Variants in MMP17 observed in about 807,000 individuals in gnomAD.
MMP17 encodes the protein matrix metalloproteinase-17.
Under a neutral mutation model 49.1 loss-of-function variants are expected in MMP17, and 54 were observed. That is an observed-to-expected ratio of 1.10 (90% CI 0.88 to 1.38). The LOEUF is 1.38. Ranked by LOEUF, MMP17 falls within the 40% of genes most tolerant of loss-of-function variation. The pLI is 0.00. For missense variants in MMP17, 837 were observed against 853.7 expected (o/e 0.98, Z 0.24); for synonymous variants, 397 against 383.1 (o/e 1.04, Z -0.42).
intron 8 of MMP17, 100 bp downstream of exon 8, chr12:131,845,549 C>T: frequency 7.1e-7 from 1 of 1,408,884 alleles, no homozygotes; most frequent in Admixed American, 2.7e-5. Flanking sequence ...CCTACGTCTG[C>T]CCAGAGGCTG....
rs1475254764 is a variant in MMP17, at chr12:131,840,964, C to T, written c.706+108C>T. ...CCAACCCTGCGGCTGAAAACACACG[C>T]GGCTGCTCCTGAGCACGGCTGGGCA... On this transcript the variant is annotated intron_variant, in intron 4 of 9. Transcript: ENST00000360564. The T allele has an allele frequency of 6.9e-6, 9 of 1,309,212 alleles. No individual in the cohort carries two copies. The South Asian group carries it at 7.6e-5, about 11-fold the overall frequency. The allele number at this position is 1,309,212 out of a possible 1,614,324, so 81.1% of individuals were successfully genotyped here.
chr12:131,833,701 C>T (rs1260405924), intron 1 of MMP17, among the ~76,000 whole-genome samples: 1 of 152,240 alleles, frequency 6.6e-6, no homozygotes. Context: ...GCTCTCCCTG[C>T]CCCCAGGCCC....
Position 131,849,949 on chromosome 12 carries a change from A to G in MMP17, c.1352A>G (p.Tyr451Cys). 1 of 1,614,012 alleles carries G rather than the reference A, an allele frequency of 6.2e-7. No individual in the cohort carries two copies. Among genetic ancestry groups the G allele is most frequent in the South Asian group, 1.1e-5 (1 of 91,086 alleles). Residue 451 changes from tyrosine (Y) to cysteine (C), a missense_variant, in exon 9 of 10, where the codon TAC becomes TGC. Coordinates refer to ENST00000360564, the MANE Select transcript of MMP17 (RefSeq NM_016155.7). ...ACTTATTTCTTTAAGGACCAGCTGTACTGGCGCTACGATGACCACACGAGG... is the reference window on the plus strand; with the variant it reads ...ACTTATTTCTTTAAGGACCAGCTGTGCTGGCGCTACGATGACCACACGAGG... Reference protein sequence around the residue: ...DRTYFFKDQLYWRYDDHTRHM... With the variant: ...DRTYFFKDQLCWRYDDHTRHM...
At chr12:131,829,833 C>A (rs1886701903) in intron 1 of MMP17, among the ~76,000 whole-genome samples, 1 of 152,228 alleles carries the variant, frequency 6.6e-6, no homozygotes, top group African/African-American at 2.4e-5. Context: ...CCGTTTGCCC[C>A]AGGCCCCGAA....
chr12:131,839,877 G>A (rs1287836644), intron 3 of MMP17: 3 of 32,682 alleles, frequency 9.2e-5, no homozygotes, highest in Admixed American at 2.6e-4. Context: ...GAACCTGGGA[G>A]GCGGAGGCTG....
At chr12:131,844,939 TGAAGC>T in intron 6 of MMP17, 174 bp from the exon 7 acceptor site, 1 of 534,526 alleles carries the variant, frequency 1.9e-6, no homozygotes, top group South Asian at 2.9e-5. Flanking sequence ...CCCCGCCCGC[TGAAGC>T]GGTGGACAGG....
At chr12:131,843,534 A>G (rs540013027) in intron 5 of MMP17, among the ~76,000 whole-genome samples, 3 of 152,152 alleles carry the variant, frequency 2.0e-5, no homozygotes, top group Admixed American at 6.5e-5. Flanking sequence ...GGCACGAACC[A>G]CTGTGCCCGG....
chr12:131,849,379 G>A (rs991495149), intron 8 of MMP17, among the ~76,000 whole-genome samples: 2 of 152,202 alleles, frequency 1.3e-5, no homozygotes, highest in South Asian at 2.1e-4. Flanking sequence ...AGCTACGCGG[G>A]AGGCTGAGGC....
Position 131,840,805 on chromosome 12 carries a change from G to A in MMP17, c.655G>A (p.Ala219Thr), listed in dbSNP as rs765935863. Residue 219 changes from alanine (A) to threonine (T), a missense_variant, in exon 4 of 10, where the codon GCC (alanine) becomes ACC (threonine). Ala to Thr is a moderately conservative substitution (Grantham distance 58). Coordinates refer to ENST00000360564, the MANE Select transcript of MMP17 (RefSeq NM_016155.7). ...CTTCTTCCCCGGCCACCACCACACC[G>A]CCGGGGACACCCACTTTGACGATGA... ...HAFFPGHHHT[A>T]GDTHFDDDEA... The A allele has an allele frequency of 1.6e-5, 25 of 1,606,734 alleles. No individual in the cohort carries two copies. Among genetic ancestry groups the A allele is most frequent in the East Asian group, 4.5e-5 (2 of 44,868 alleles).
intron 3 of MMP17, 74 bp from the exon 4 acceptor site, chr12:131,840,499 G>A: frequency 6.7e-7 from 1 of 1,486,368 alleles, no homozygotes; most frequent in Non-Finnish European, 9.0e-7. Flanking sequence ...CTGAGGAGGG[G>A]CGTTCAGGGA....
Position 131,849,955 on chromosome 12 carries a change from G to T in MMP17, c.1358G>T (p.Arg453Leu), listed in dbSNP as rs762447358. ...TYFFKDQLYW[R>L]YDDHTRHMDP... is the part of the protein sequence containing the mutation. ...TTCTTTAAGGACCAGCTGTACTGGC[G>T]CTACGATGACCACACGAGGCACATG... The change falls in exon 9 of 10, where the codon CGC (arginine) becomes CTC (leucine). Residue 453 changes from arginine to leucine, a missense_variant. Transcript: ENST00000360564. 2 of 1,613,992 alleles carry T rather than the reference G, an allele frequency of 1.2e-6. No individual in the cohort carries two copies. The highest frequency in any genetic ancestry group is 1.7e-6 in the Non-Finnish European group (2 of 1,180,000).
intron 1 of MMP17, among the ~76,000 whole-genome samples, chr12:131,833,184 C>T (rs1045983817): frequency 1.3e-5 from 2 of 152,234 alleles, no homozygotes; most frequent in African/African-American, 2.4e-5. Flanking sequence ...GTGCCAGGCA[C>T]CCTCCAGCAG....
chr12:131,851,039 C>T lies in MMP17; in HGVS notation c.1577C>T (p.Ser526Leu). 1 of 1,609,226 alleles carries T rather than the reference C, an allele frequency of 6.2e-7. No homozygotes were observed. The highest frequency in any genetic ancestry group is 1.1e-5 in the South Asian group (1 of 90,516). The change falls in exon 10 of 10, where the codon TCA becomes TTA. Residue 526 changes from serine to leucine, a missense_variant. Ser to Leu is a moderately radical substitution (Grantham distance 145). Coordinates refer to ENST00000360564, the MANE Select transcript of MMP17 (RefSeq NM_016155.7). ...CGGGACTGGCTGGTGTGTGGAGACT[C>T]ACAGGCCGATGGATCTGTGGCTGCG... ...TARDWLVCGD[S>L]QADGSVAAGV...
chr12:131,838,158 C>G, intron 1 of MMP17, 37 bp from the exon 2 acceptor site: 1 of 1,575,434 alleles, frequency 6.3e-7, no homozygotes. Flanking sequence ...GGACCGGGCC[C>G]TCTGTTGCAC....
Position 131,840,737 on chromosome 12 carries a change from A to T in MMP17, c.587A>T (p.Asp196Val). The T allele has an allele frequency of 6.2e-7, 1 of 1,604,386 alleles. No individual in the cohort carries two copies. Among genetic ancestry groups the T allele is most frequent in the Non-Finnish European group, 8.5e-7 (1 of 1,179,858 alleles). ...QIDFSKADHN[D>V]GYPFDGPGGT... ...GACTTCTCCAAGGCCGACCATAACGACGGCTACCCCTTCGACGGCCCCGGC... is the reference window on the plus strand; with the variant it reads ...GACTTCTCCAAGGCCGACCATAACGTCGGCTACCCCTTCGACGGCCCCGGC... Residue 196 changes from aspartate to valine, a missense_variant, in exon 4 of 10, where the codon GAC becomes GTC. Asp to Val is a radical substitution (Grantham distance 152). Transcript: ENST00000360564.
At position 131,838,187 on chromosome 12, in the gene MMP17, G is replaced by A; in HGVS notation, c.160-8G>A. The A allele has an allele frequency of 6.2e-7, 1 of 1,610,726 alleles. No individual in the cohort carries two copies. The highest frequency in any genetic ancestry group is 1.7e-5 in the Admixed American group (1 of 59,740). Reference sequence around the variant, plus strand: ...GTTGCACCCCCTCACCCTGCTCTCTGCCCTCAGGAGTGGCTAAGCAGGTTC... The same window carrying A: ...GTTGCACCCCCTCACCCTGCTCTCTACCCTCAGGAGTGGCTAAGCAGGTTC... On this transcript the variant is annotated splice_polypyrimidine_tract_variant and splice_region_variant and intron_variant, in intron 1 of 9. Coordinates refer to ENST00000360564, the MANE Select transcript of MMP17 (RefSeq NM_016155.7).
chr12:131,851,504 G>A lies in MMP17; in HGVS notation c.*230G>A. 2.5e-6 allele frequency: 1 copy of A among 405,940 alleles called. No individual in the cohort carries two copies. Among genetic ancestry groups the A allele is most frequent in the Non-Finnish European group, 4.3e-6 (1 of 233,262 alleles). 25.1% of individuals were successfully genotyped at this position (405,940 alleles called of 1,614,324 possible). A position where few individuals can be genotyped will look rare whatever the true frequency, so the allele number is the denominator to read the frequency against. ...GTGTTGACTGACGAGCCGAGGGGTGGCCGCTCCAGAAGGGTGCCCAGTCAG... is the reference window on the plus strand; with the variant it reads ...GTGTTGACTGACGAGCCGAGGGGTGACCGCTCCAGAAGGGTGCCCAGTCAG... On this transcript the variant is annotated 3_prime_UTR_variant, in exon 10 of 10. Transcript: ENST00000360564.
At chr12:131,832,741 G>A (rs1163848157) in intron 1 of MMP17, among the ~76,000 whole-genome samples, 1 of 152,076 alleles carries the variant, frequency 6.6e-6, no homozygotes, top group Non-Finnish European at 1.5e-5. Context: ...GGACCCTGCA[G>A]TAATAAGCAA....
intron 1 of MMP17, among the ~76,000 whole-genome samples, chr12:131,837,869 C>T (rs967241770): frequency 7.9e-5 from 12 of 152,196 alleles, no homozygotes; most frequent in Non-Finnish European, 1.3e-4. Context: ...TGCCACCACA[C>T]CCGGCTAATT....
Sources: gnomAD v4.1 joint callset for allele counts (sites outside exome capture counted in the v4.1 genomes callset) on GRCh38, gnomAD v4.1.1 for gene constraint, MANE v1.5 for transcripts, NCBI Gene and HGNC (gene_info 2026-07-23, HGNC 2026-07-21) for gene names.